ZNF462: variants seen among roughly 807,000 people sequenced by gnomAD.
The protein encoded by ZNF462 is zinc finger PBX1-interacting protein.
A neutral mutation model predicts 201.9 loss-of-function variants in ZNF462; 10 were observed. The observed-to-expected ratio is 0.05, with a 90% CI of 0.03 to 0.08. ZNF462 has a LOEUF of 0.08. ZNF462 is among the 10% of genes least tolerant of loss of function. The pLI, the probability that ZNF462 is intolerant of heterozygous loss-of-function variation, is 1.00. For synonymous variants in ZNF462, 1,227 were observed against 1,193.3 expected, an observed-to-expected ratio of 1.03 and a Z score of -0.58; for missense variants, 2,523 against 3,168.3, an observed-to-expected ratio of 0.80 and a Z score of 4.89.
intron 1 of ZNF462, among the ~76,000 whole-genome samples, chr9:106,918,907 A>C (rs536472942): frequency 6.2e-4 from 95 of 152,340 alleles, no homozygotes; most frequent in African/African-American, 2.2e-3. Flanking sequence ...TTTTATTAGA[A>C]TTATGATTGA....
chr9:106,924,160 G>A lies in ZNF462; in HGVS notation c.248G>A (p.Gly83Glu), dbSNP rs1435226051. The A allele has an allele frequency of 6.2e-7, 1 of 1,608,570 alleles. No homozygotes were observed. Among genetic ancestry groups the A allele is most frequent in the Non-Finnish European group, 8.5e-7 (1 of 1,178,554 alleles). Reference sequence around the variant, plus strand: ...CAAAATGCAACTTCATTGGGGACCGGAGGTTACTATGGCCACAGTCCAGGA... The same window carrying A: ...CAAAATGCAACTTCATTGGGGACCGAAGGTTACTATGGCCACAGTCCAGGA... ...SGQNATSLGT[G>E]GYYGHSPGYY... Residue 83 changes from glycine to glutamate, a missense_variant, in exon 3 of 13, where the codon GGA (glycine) becomes GAA (glutamate). By Grantham distance (98) the Gly-to-Glu change is moderately conservative. This residue lies in a region of ZNF462 where 480 missense variants were observed against 544.4 expected (regional missense o/e 0.88). Coordinates refer to ENST00000277225, the MANE Select transcript of ZNF462 (RefSeq NM_021224.6). This position sits in a 1 kb window ranked among gnomAD's most constrained non-coding sequence, Gnocchi z 6.2.
At chr9:106,964,409 A>T (rs1172576555) in intron 7 of ZNF462, among the ~76,000 whole-genome samples, 1 of 152,098 alleles carries the variant, frequency 6.6e-6, no homozygotes, top group Middle Eastern at 3.2e-3. Context: ...TTCATTTAAA[A>T]TGTAAATACA....
At chr9:106,946,030 A>T (rs1032620117) in intron 7 of ZNF462, among the ~76,000 whole-genome samples, 1 of 152,214 alleles carries the variant, frequency 6.6e-6, no homozygotes, top group African/African-American at 2.4e-5. Context: ...AGATGAAAAC[A>T]TTTCAAGTAT....
rs1409503394 is a variant in ZNF462 at position 106,920,820 on chromosome 9, C to T, written c.-30-2534C>T. 6.6e-6 allele frequency among the ~76,000 whole-genome samples: 1 copy of T among 152,142 alleles called. No individual in the cohort carries two copies. Among genetic ancestry groups the T allele is most frequent in the African/African-American group, 2.4e-5 (1 of 41,428 alleles). On this transcript the variant is annotated intron_variant, in intron 1 of 12. Transcript: ENST00000277225. The surrounding 1 kb of genome is among the most constrained non-coding windows in gnomAD (Gnocchi z 4.3). ...TTAATGCCGAAGGTGCCCTGCTTTC[C>T]TTCTGCAGAACCGTAACTTCTGTTG...
Position 106,924,844 on chromosome 9 carries a change from A to T in ZNF462, c.932A>T (p.Glu311Val). Residue 311 changes from glutamate (E) to valine (V), a missense_variant, in exon 3 of 13, where the codon GAG becomes GTG. Transcript: ENST00000277225. This position sits in a 1 kb window ranked among gnomAD's most constrained non-coding sequence, Gnocchi z 6.2. Reference sequence around the variant, plus strand: ...CTGACCATGAATGCTGCAAGCCGGGAGATACCCAATACTACCGTCTCCAAC... The same window carrying T: ...CTGACCATGAATGCTGCAAGCCGGGTGATACCCAATACTACCGTCTCCAAC... ...TYLTMNAASR[E>V]IPNTTVSNFR... 1 of 1,614,186 alleles carries T rather than the reference A, an allele frequency of 6.2e-7. No homozygotes were observed. The highest frequency in any genetic ancestry group is 1.1e-5 in the South Asian group (1 of 91,070).
At chr9:106,961,148 C>G (rs1236387426) in intron 7 of ZNF462, among the ~76,000 whole-genome samples, 2 of 152,044 alleles carry the variant, frequency 1.3e-5, no homozygotes, top group African/African-American at 4.8e-5. Flanking sequence ...ACCTGAGCAT[C>G]TCACAAACAT....
chr9:106,919,472 G>A lies in ZNF462; in HGVS notation c.-30-3882G>A, dbSNP rs1829903203. Among the ~76,000 whole-genome samples the A allele has an allele frequency of 6.6e-6, 1 of 152,080 alleles. No individual in the cohort carries two copies. Among genetic ancestry groups the A allele is most frequent in the African/African-American group, 2.4e-5 (1 of 41,410 alleles). On this transcript the variant is annotated intron_variant, in intron 1 of 12. Transcript: ENST00000277225. The surrounding 1 kb of genome is among the most constrained non-coding windows in gnomAD (Gnocchi z 4.5). ...GTGTTCTTAAGATTGAAAATGAGCA[G>A]GCTTTGTCCATAATTTACTTTTCCC...
chr9:106,897,978 T>G (rs532337117), intron 1 of ZNF462, among the ~76,000 whole-genome samples: 2 of 152,326 alleles, frequency 1.3e-5, no homozygotes, highest in East Asian at 3.9e-4. Context: ...GCCTTGCAGT[T>G]CCTCAGCATT....
Position 106,925,822 on chromosome 9 carries a change from C to T in ZNF462, c.1910C>T (p.Ser637Leu). ...DNLPKFEGQP[S>L]SLPLENETDS... ...TTGCCAAAATTCGAGGGGCAGCCCT[C>T]AAGCCTACCATTGGAAAATGAGACA... The change falls in exon 3 of 13, where the codon TCA becomes TTA. Residue 637 changes from serine to leucine, a missense_variant. Around this residue, in one of 15 missense-constraint regions of ZNF462, gnomAD observed 383 missense variants for 453.4 expected, o/e 0.84. Transcript: ENST00000277225. This position sits in a 1 kb window ranked among gnomAD's most constrained non-coding sequence, Gnocchi z 7.9. 1 of 1,614,218 alleles carries T rather than the reference C, an allele frequency of 6.2e-7. No homozygotes were observed. The highest frequency in any genetic ancestry group is 1.1e-5 in the South Asian group (1 of 91,082).
chr9:106,943,732 T>C (rs1242446298), intron 7 of ZNF462, among the ~76,000 whole-genome samples: 2 of 152,212 alleles, frequency 1.3e-5, no homozygotes, highest in Non-Finnish European at 2.9e-5. Flanking sequence ...GTTAGGTAAG[T>C]ACTTATTAAA....
intron 1 of ZNF462, among the ~76,000 whole-genome samples, chr9:106,878,198 A>C (rs1259212387): frequency 2.0e-5 from 3 of 152,166 alleles, no homozygotes. Context: ...CCTCTGCTCC[A>C]GTTTCTTATC....
intron 1 of ZNF462, among the ~76,000 whole-genome samples, chr9:106,910,376 T>TTTTG (rs1829498777): frequency 1.3e-5 from 2 of 149,664 alleles, no homozygotes; most frequent in African/African-American, 2.4e-5. Flanking sequence ...TTTTTTTTTT[T>TTTTG]TTTTTTTTTT....
intron 5 of ZNF462, among the ~76,000 whole-genome samples, chr9:106,934,433 A>G (rs1429901902): frequency 6.6e-6 from 1 of 152,154 alleles, no homozygotes; most frequent in Non-Finnish European, 1.5e-5. Flanking sequence ...CATGCGTGGG[A>G]TGAGGGACAA....
At position 106,927,816 on chromosome 9, in the gene ZNF462, G is replaced by A; in HGVS notation, c.3904G>A (p.Ala1302Thr). ...CACAGTCACGTCCATCATGCGATGG[G>A]CATTTCTAGATGGCTTGATAGAAGC... is the stretch of plus-strand genomic sequence containing the variant. ...KATVTSIMRW[A>T]FLDGLIEAGY... Residue 1302 changes from alanine to threonine, a missense_variant, in exon 3 of 13, where the codon GCA becomes ACA. Coordinates refer to ENST00000277225, the MANE Select transcript of ZNF462 (RefSeq NM_021224.6). The A allele has an allele frequency of 6.2e-7, 1 of 1,614,140 alleles. No individual in the cohort carries two copies. Among genetic ancestry groups the A allele is most frequent in the African/African-American group, 1.3e-5 (1 of 75,030 alleles).
rs1832097172 is a variant in ZNF462 at position 106,966,891 on chromosome 9, G to A, written c.6428-5114G>A. ...AGCTCAAATATAATTAAATGTACTC[G>A]CTGGCACCAAGGTACTTCTGTTCCC... is the stretch of plus-strand genomic sequence containing the variant. On this transcript the variant is annotated intron_variant, in intron 7 of 12. Transcript: ENST00000277225. The surrounding 1 kb of genome is among the most constrained non-coding windows in gnomAD (Gnocchi z 4.4). Among the ~76,000 whole-genome samples the A allele has an allele frequency of 6.6e-6, 1 of 151,972 alleles. No homozygotes were observed. The highest frequency in any genetic ancestry group is 1.5e-5 in the Non-Finnish European group (1 of 68,004).
chr9:106,940,878 AT>A (rs1165254237), intron 7 of ZNF462, among the ~76,000 whole-genome samples: 2 of 152,148 alleles, frequency 1.3e-5, no homozygotes, highest in African/African-American at 4.8e-5. Context: ...AAAGGTTGGT[AT>A]ATTGCAACCA....
intron 1 of ZNF462, among the ~76,000 whole-genome samples, chr9:106,901,286 T>C (rs879649547): frequency 2.0e-5 from 3 of 152,206 alleles, no homozygotes; most frequent in Non-Finnish European, 4.4e-5. Flanking sequence ...GTGCCTATTT[T>C]TATACCAGTA....
chr9:106,958,855 G>A (rs563956376), intron 7 of ZNF462, among the ~76,000 whole-genome samples: 1 of 152,264 alleles, frequency 6.6e-6, no homozygotes, highest in South Asian at 2.1e-4. Flanking sequence ...GTCAGGTAAG[G>A]TGGTTGGGGA....
chr9:106,907,384 G>T (rs1829316010), intron 1 of ZNF462, among the ~76,000 whole-genome samples: 1 of 152,076 alleles, frequency 6.6e-6, no homozygotes, highest in African/African-American at 2.4e-5. Context: ...AGATGTTTTG[G>T]TGATTAGGTT....
Sources: allele counts gnomAD v4.1 joint callset (sites outside exome capture counted in the v4.1 genomes callset), GRCh38; gene constraint gnomAD v4.1.1; regional missense constraint gnomAD v4.1.1; non-coding constraint Gnocchi (gnomAD v3.1); transcripts MANE v1.5; gene names NCBI Gene and HGNC (gene_info 2026-07-23, HGNC 2026-07-21).